Variants in ST3GAL4 observed in about 807,000 individuals in gnomAD.
The protein encoded by ST3GAL4 is CMP-N-acetylneuraminate-beta-galactosamide-alpha-2,3-sialyltransferase 4.
In ST3GAL4, 24 loss-of-function variants were observed where a neutral mutation model predicts 42.6. That is an observed-to-expected ratio of 0.56 (90% CI 0.41 to 0.79). The LOEUF (loss-of-function observed/expected upper bound fraction) is 0.79. ST3GAL4 is among the 30% of genes least tolerant of loss of function. The pLI is 0.00. For synonymous variants in ST3GAL4, 135 were observed against 163.2 expected, an observed-to-expected ratio of 0.83 and a Z score of 1.32; for missense variants, 311 against 430.8, an observed-to-expected ratio of 0.72 and a Z score of 2.46.
Position 126,406,180 on chromosome 11 carries a change from C to T in ST3GAL4, c.16+9C>T, listed in dbSNP as rs1369279457. On this transcript the variant is annotated intron_variant, in intron 2 of 10. Transcript: ENST00000444328. The surrounding 1 kb of genome is among the most constrained non-coding windows in gnomAD (Gnocchi z 5.4). The stretch of plus-strand genomic sequence containing the variant: ...CATGGTCAGCAAGTCCCGTGAGTGT[C>T]ATCCGAGGGCTCCCCCACCCTGGAG... 1.9e-6 allele frequency: 3 copies of T among 1,557,492 alleles called. No homozygotes were observed. The highest frequency in any genetic ancestry group is 2.4e-5 in the East Asian group (1 of 41,280).
Position 126,392,357 on chromosome 11 carries a change from A to G in ST3GAL4, c.-60-13739A>G. ...ATGGTGCAGCAGACATGGAGCTGGT[A>G]AGTGGTTAAGATCAGTCGGACATGA... On this transcript the variant is annotated intron_variant, in intron 1 of 10. Transcript: ENST00000444328. This position sits in a 1 kb window ranked among gnomAD's most constrained non-coding sequence, Gnocchi z 5.8. The G allele has an allele frequency of 3.0e-6, 3 of 985,878 alleles. No individual in the cohort carries two copies. In the South Asian group the frequency reaches 1.4e-4, roughly 46 times the overall value. 61.1% of individuals were successfully genotyped at this position (985,878 alleles called of 1,614,324 possible).
Position 126,384,850 on chromosome 11 carries a change from G to A in ST3GAL4, c.-60-21246G>A. Reference sequence around the variant, plus strand: ...TTGTCACATATGGGCCAGGAGAGGTGAGTGTGATTGTGGTAGTGGTGGGGG... The same window carrying A: ...TTGTCACATATGGGCCAGGAGAGGTAAGTGTGATTGTGGTAGTGGTGGGGG... On this transcript the variant is annotated intron_variant, in intron 1 of 10. Transcript: ENST00000444328. This position sits in a 1 kb window ranked among gnomAD's most constrained non-coding sequence, Gnocchi z 5.5. 1 of 985,382 alleles carries A rather than the reference G, an allele frequency of 1.0e-6. No individual in the cohort carries two copies. Among genetic ancestry groups the A allele is most frequent in the South Asian group, 4.7e-5 (1 of 21,284 alleles). The allele number at this position is 985,382 out of a possible 1,614,324, so 61.0% of individuals were successfully genotyped here. A position where few individuals can be genotyped will look rare whatever the true frequency, so the allele number is the denominator to read the frequency against.
rs1954496623 is a variant in ST3GAL4 at position 126,410,871 on chromosome 11, C to A, written c.771+1460C>A. Among the ~76,000 whole-genome samples, 1 of 152,176 alleles carries A rather than the reference C, an allele frequency of 6.6e-6. No individual in the cohort carries two copies. The highest frequency in any genetic ancestry group is 1.5e-5 in the Non-Finnish European group (1 of 68,036). On this transcript the variant is annotated intron_variant, in intron 9 of 10. Coordinates refer to ENST00000444328, the MANE Select transcript of ST3GAL4 (RefSeq NM_001254757.2). This position sits in a 1 kb window ranked among gnomAD's most constrained non-coding sequence, Gnocchi z 5.3. Reference sequence around the variant, plus strand: ...GGGGCAGACATCTGCTGAGAGATGTCTGGGAGGCTCCCCAGAGGAGGTGGT... The same window carrying A: ...GGGGCAGACATCTGCTGAGAGATGTATGGGAGGCTCCCCAGAGGAGGTGGT...
At chr11:126,374,319 G>A (rs1952756211) in intron 1 of ST3GAL4, among the ~76,000 whole-genome samples, 1 of 151,998 alleles carries the variant, frequency 6.6e-6, no homozygotes, top group Non-Finnish European at 1.5e-5. Context: ...GGGTATGGTG[G>A]TGCATGCCTG....
At chr11:126,374,234 T>C (rs1591433379) in intron 1 of ST3GAL4, among the ~76,000 whole-genome samples, 1 of 151,714 alleles carries the variant, frequency 6.6e-6, no homozygotes, top group Non-Finnish European at 1.5e-5. Flanking sequence ...GGCAGATCAC[T>C]TGAGGTCAGG....
chr11:126,356,548 G>A lies in ST3GAL4; in HGVS notation c.-61+706G>A, dbSNP rs73632735. 8.5e-3 allele frequency among the ~76,000 whole-genome samples: 1,300 copies of A among 152,340 alleles called. 28 individuals are homozygous for A. Among genetic ancestry groups the A allele is most frequent in the African/African-American group, 0.029 (1,220 of 41,578 alleles). ...CACTGCCCCTCCATTCCCAGTCCTG[G>A]GGGGAGGCTCTGTCTGGGCAGCTTG... On this transcript the variant is annotated intron_variant, in intron 1 of 10. Transcript: ENST00000444328.
At chr11:126,367,590 C>T (rs910162209) in intron 1 of ST3GAL4, among the ~76,000 whole-genome samples, 1 of 152,182 alleles carries the variant, frequency 6.6e-6, no homozygotes, top group Non-Finnish European at 1.5e-5. Flanking sequence ...ACGTTACAAA[C>T]CAGGATGTGT....
At chr11:126,395,598 G>A (rs1565414824) in intron 1 of ST3GAL4, among the ~76,000 whole-genome samples, 1 of 152,118 alleles carries the variant, frequency 6.6e-6, no homozygotes, top group Non-Finnish European at 1.5e-5. Flanking sequence ...GGAGAGACCT[G>A]GTGGGAGATA....
intron 1 of ST3GAL4, among the ~76,000 whole-genome samples, chr11:126,381,391 G>C (rs2066985): frequency 6.6e-6 from 1 of 151,350 alleles, no homozygotes; most frequent in African/African-American, 2.4e-5. Flanking sequence ...TGACAACAAA[G>C]CTCCCTCTGT....
Position 126,406,695 on chromosome 11 carries a change from T to A in ST3GAL4, c.101+138T>A. ...ATGACCTCATCCCTTCAGCTGCTGG[T>A]ACGGAGTGTTTCCATGAGGGTGGGT... On this transcript the variant is annotated intron_variant, in intron 3 of 10. Transcript: ENST00000444328. The surrounding 1 kb of genome is among the most constrained non-coding windows in gnomAD (Gnocchi z 5.4). The A allele has an allele frequency of 3.0e-6, 3 of 1,016,864 alleles. No homozygotes were observed. The highest frequency in any genetic ancestry group is 4.3e-6 in the Non-Finnish European group (3 of 701,030). 63.0% of individuals were successfully genotyped at this position (1,016,864 alleles called of 1,614,324 possible).
rs4055125 is a variant in ST3GAL4, at chr11:126,364,126, G to C, written c.-61+8284G>C. On this transcript the variant is annotated intron_variant, in intron 1 of 10. Transcript: ENST00000444328. ...TGCCCGGAGTCCCAACCCTGCCAAG[G>C]CAGAGGGAATGGGGAACAGCTGCGC... 7.6e-3 allele frequency among the ~76,000 whole-genome samples: 1,160 copies of C among 152,376 alleles called. 10 individuals carry two copies. Among genetic ancestry groups the C allele is most frequent in the African/African-American group, 0.026 (1,087 of 41,588 alleles).
At chr11:126,403,299 G>C (rs1954089888) in intron 1 of ST3GAL4, 1 of 793,376 alleles carries the variant, frequency 1.3e-6, no homozygotes, top group Admixed American at 6.2e-5. Context: ...GGTCGAAGAA[G>C]GGCTAATTGT....
Position 126,384,875 on chromosome 11 carries a change from G to A in ST3GAL4, c.-60-21221G>A, listed in dbSNP as rs1344795381. The A allele has an allele frequency of 1.2e-5, 12 of 985,272 alleles. No homozygotes were observed. Among genetic ancestry groups the A allele is most frequent in the Non-Finnish European group, 1.4e-5 (12 of 829,930 alleles). The allele number at this position is 985,272 out of a possible 1,614,324, so 61.0% of individuals were successfully genotyped here. A position where few individuals can be genotyped will look rare whatever the true frequency, so the allele number is the denominator to read the frequency against. On this transcript the variant is annotated intron_variant, in intron 1 of 10. Coordinates refer to ENST00000444328, the MANE Select transcript of ST3GAL4 (RefSeq NM_001254757.2). This position sits in a 1 kb window ranked among gnomAD's most constrained non-coding sequence, Gnocchi z 5.5. ...GAGTGTGATTGTGGTAGTGGTGGGG[G>A]CAGTGGCTGAGGACCCCTCTCTTTG...
intron 9 of ST3GAL4, among the ~76,000 whole-genome samples, chr11:126,413,047 C>G (rs985516024): frequency 3.4e-4 from 51 of 152,122 alleles, no homozygotes; most frequent in African/African-American, 1.2e-3. Context: ...GGAGCTGTAC[C>G]ATCCAGAATG....
At chr11:126,405,835 G>C in intron 1 of ST3GAL4, 1 of 516,042 alleles carries the variant, frequency 1.9e-6, no homozygotes, top group Non-Finnish European at 3.5e-6. Context: ...AGGCCAGCCT[G>C]GCTTGGGACC....
In ST3GAL4 at chr11:126,413,549, C is replaced by G. The variant is rs766054496; in HGVS notation, c.816C>G (p.Leu272=). ...GLLAITLALH[L]CDLVHIAGFG... ...TGGCCATCACGCTGGCCCTCCACCT[C>G]TGTGACTTGGTGCACATTGCCGGCT... The change falls in exon 10 of 11, where the codon CTC becomes CTG. Residue 272 remains leucine (L), a synonymous_variant. Transcript: ENST00000444328. The G allele has an allele frequency of 5.0e-6, 8 of 1,614,146 alleles. No individual in the cohort carries two copies. Among genetic ancestry groups the G allele is most frequent in the Non-Finnish European group, 6.8e-6 (8 of 1,180,060 alleles).
chr11:126,389,205 T>A (rs1953374128), intron 1 of ST3GAL4, among the ~76,000 whole-genome samples: 1 of 152,246 alleles, frequency 6.6e-6, no homozygotes. Context: ...AGCTTCTCAA[T>A]TTATATTTCT....
chr11:126,389,957 A>G (rs577202489), intron 1 of ST3GAL4, among the ~76,000 whole-genome samples: 1 of 148,230 alleles, frequency 6.7e-6, no homozygotes, highest in African/African-American at 2.5e-5. Flanking sequence ...GTGAATCACG[A>G]GGTCAGGAGA....
rs1202671804 is a variant in ST3GAL4 at position 126,407,034 on chromosome 11, A to G, written c.182+11A>G. 3 of 1,612,598 alleles carry G rather than the reference A, an allele frequency of 1.9e-6. No individual in the cohort carries two copies. The African/African-American group carries it at 4.0e-5, about 22-fold the overall frequency. On this transcript the variant is annotated intron_variant, in intron 4 of 10. Transcript: ENST00000444328. ...TAAGCTCTTTGGCAAGTAAGTACTTAAGGATGAGGAGGGTAGAGCAGGGCA... is the reference window on the plus strand; with the variant it reads ...TAAGCTCTTTGGCAAGTAAGTACTTGAGGATGAGGAGGGTAGAGCAGGGCA...
Sources: gnomAD v4.1 joint callset for allele counts (sites outside exome capture counted in the v4.1 genomes callset) on GRCh38, gnomAD v4.1.1 for gene constraint, Gnocchi (gnomAD v3.1) non-coding constraint, MANE v1.5 for transcripts, NCBI Gene and HGNC (gene_info 2026-07-23, HGNC 2026-07-21) for gene names.